LAD1: variants seen among roughly 807,000 people sequenced by gnomAD.
LAD1 encodes ladinin 1.
LAD1 carries 53 observed loss-of-function variants against 54.2 expected under a neutral mutation model. The observed-to-expected ratio is 0.98, with a 90% confidence interval of 0.78 to 1.23. LAD1 has a LOEUF of 1.23. Ranked by LOEUF, LAD1 falls within the 50% of genes most tolerant of loss-of-function variation. The pLI, the probability that LAD1 is intolerant of heterozygous loss-of-function variation, is 0.00. For synonymous variants in LAD1, 231 were observed against 257.7 expected, an observed-to-expected ratio of 0.90 and a Z score of 0.99; for missense variants, 637 against 653.3, an observed-to-expected ratio of 0.98 and a Z score of 0.27.
chr1:201,388,681 CAA>C (rs35111170), intron 2 of LAD1, among the ~76,000 whole-genome samples: 13 of 107,712 alleles, frequency 1.2e-4, no homozygotes, highest in Admixed American at 1.0e-4. Context: ...GACTTCGTCT[CAA>C]AAAAAAAAAA....
At chr1:201,383,579 C>T in intron 5 of LAD1, 190 bp from the exon 6 acceptor site, 1 of 634,956 alleles carries the variant, frequency 1.6e-6, no homozygotes, top group Non-Finnish European at 2.9e-6. Context: ...GATTTCCCTC[C>T]ACTTCCAAGA....
intron 1 of LAD1, chr1:201,391,306 C>G: frequency 2.7e-6 from 1 of 371,958 alleles, no homozygotes; most frequent in Non-Finnish European, 5.3e-6. Flanking sequence ...AGCAGGCATT[C>G]TACAGCCAGC....
chr1:201,381,662 T>C lies in LAD1; in HGVS notation c.*226A>G. On this transcript the variant is annotated 3_prime_UTR_variant, in exon 10 of 10. Coordinates refer to ENST00000391967, the MANE Select transcript of LAD1 (RefSeq NM_005558.4). ...AGAGACTGGGTCCCAGCATCTGTTG[T>C]GCCTGCCGCAGGGTGAGAAAGTCCC... is the stretch of plus-strand genomic sequence containing the variant. 3 of 624,306 alleles carry C rather than the reference T, an allele frequency of 4.8e-6. No individual in the cohort carries two copies. Among genetic ancestry groups the C allele is most frequent in the South Asian group, 3.8e-5 (2 of 53,150 alleles). The allele number at this position is 624,306 out of a possible 1,614,324, so 38.7% of individuals were successfully genotyped here. A position where few individuals can be genotyped will look rare whatever the true frequency, so the allele number is the denominator to read the frequency against.
At chr1:201,385,300 G>A (rs573552119) in intron 4 of LAD1, among the ~76,000 whole-genome samples, 1 of 152,348 alleles carries the variant, frequency 6.6e-6, no homozygotes, top group South Asian at 2.1e-4. Context: ...TGTACTATTG[G>A]GAGAGTGGCA....
intron 1 of LAD1, among the ~76,000 whole-genome samples, chr1:201,393,482 A>G (rs1275357123): frequency 1.3e-5 from 2 of 152,360 alleles, no homozygotes; most frequent in Non-Finnish European, 2.9e-5. Flanking sequence ...ACAGTGGCTC[A>G]TGCCTGTAAT....
In LAD1 at chr1:201,387,015, C is replaced by T. The variant is rs774353289; in HGVS notation, c.346G>A (p.Glu116Lys). 3 of 1,610,746 alleles carry T rather than the reference C, an allele frequency of 1.9e-6. No individual in the cohort carries two copies. Among genetic ancestry groups the T allele is most frequent in the Non-Finnish European group, 2.5e-6 (3 of 1,178,588 alleles). Residue 116 changes from glutamate (E) to lysine (K), a missense_variant, in exon 3 of 10, where the codon GAG becomes AAG. By Grantham distance (56) the Glu-to-Lys change is moderately conservative (BLOSUM62 1). Coordinates refer to ENST00000391967, the MANE Select transcript of LAD1 (RefSeq NM_005558.4). ...QAPIQERLEA[E>K]EGRNSLSPVQ... is the part of the protein sequence containing the mutation. ...GGGCTCAAGCTGTTCCTCCCCTCCT[C>T]TGCCTCCAGCCTCTCCTGGATGGGG...
chr1:201,387,294 C>G, intron 2 of LAD1, 116 bp from the exon 3 acceptor site: 1 of 1,145,576 alleles, frequency 8.7e-7, no homozygotes, highest in Non-Finnish European at 1.2e-6. Flanking sequence ...GATGTCAGGC[C>G]CTGGCCTCCC....
chr1:201,383,486 C>T, intron 5 of LAD1, 97 bp from the exon 6 acceptor site: 2 of 1,143,918 alleles, frequency 1.7e-6, no homozygotes, highest in Non-Finnish European at 2.7e-6. Flanking sequence ...CACACGTTCT[C>T]ATTGTGGCCA....
chr1:201,397,877 C>G (rs1305983340), intron 1 of LAD1, among the ~76,000 whole-genome samples: 1 of 152,156 alleles, frequency 6.6e-6, no homozygotes, highest in Admixed American at 6.5e-5. Flanking sequence ...GAAGCAAAGA[C>G]ACTCCCACAT....
chr1:201,386,669 G>A lies in LAD1; in HGVS notation c.692C>T (p.Ser231Phe). The change falls in exon 3 of 10, where the codon TCT (serine) becomes TTT (phenylalanine). Residue 231 changes from serine (S) to phenylalanine (F), a missense_variant. Coordinates refer to ENST00000391967, the MANE Select transcript of LAD1 (RefSeq NM_005558.4). Reference sequence around the variant, plus strand: ...AGAGACACTGGTTTTTTCTAGAACAGACTTCTTCTCTGAGCTGTTTCTTTT... The same window carrying A: ...AGAGACACTGGTTTTTTCTAGAACAAACTTCTTCTCTGAGCTGTTTCTTTT... The part of the protein sequence containing the change: ...SEKRNSSEKK[S>F]VLEKTSVSEK... 6.2e-7 allele frequency: 1 copy of A among 1,614,176 alleles called. No homozygotes were observed. The highest frequency in any genetic ancestry group is 8.5e-7 in the Non-Finnish European group (1 of 1,180,012).
intron 5 of LAD1, 52 bp from the exon 6 acceptor site, chr1:201,383,441 C>A: frequency 2.6e-6 from 4 of 1,553,260 alleles, no homozygotes; most frequent in Non-Finnish European, 3.6e-6. Flanking sequence ...CCAGGGAGAC[C>A]AGGCCTGCCC....
chr1:201,384,615 C>T (rs772737115), intron 5 of LAD1, 177 bp downstream of exon 5: 22 of 659,202 alleles, frequency 3.3e-5, no homozygotes, highest in Non-Finnish European at 4.6e-5. Context: ...TCTTATCCCG[C>T]CTGAGTTCAT....
At chr1:201,395,808 G>C (rs531569465) in intron 1 of LAD1, among the ~76,000 whole-genome samples, 1 of 152,086 alleles carries the variant, frequency 6.6e-6, no homozygotes, top group African/African-American at 2.4e-5. Flanking sequence ...ACCTTCCCAC[G>C]ATCGCACAGC....
intron 1 of LAD1, among the ~76,000 whole-genome samples, chr1:201,394,478 T>G (rs1461675440): frequency 1.3e-5 from 2 of 152,128 alleles, no homozygotes; most frequent in African/African-American, 4.8e-5. Flanking sequence ...GGCGCCCAAA[T>G]CAAACTATCC....
intron 4 of LAD1, 128 bp from the exon 5 acceptor site, chr1:201,384,963 G>T: frequency 1.2e-6 from 1 of 815,692 alleles, no homozygotes; most frequent in Non-Finnish European, 2.0e-6. Context: ...TCTACCAGGG[G>T]TCAACCCCAC....
At position 201,381,860 on chromosome 1, in the gene LAD1, A is replaced by T; in HGVS notation, c.*28T>A. 5 of 1,613,562 alleles carry T rather than the reference A, an allele frequency of 3.1e-6. No individual in the cohort carries two copies. Among genetic ancestry groups the T allele is most frequent in the Non-Finnish European group, 4.2e-6 (5 of 1,179,520 alleles). On this transcript the variant is annotated 3_prime_UTR_variant, in exon 10 of 10. Coordinates refer to ENST00000391967, the MANE Select transcript of LAD1 (RefSeq NM_005558.4). ...ATGAGGGAGGTCCCTTGAGACGAAG[A>T]CTTGCAGGTCTGTCTTGGCGGGGCT...
At chr1:201,382,011 G>T (rs1329049199) in intron 9 of LAD1, 118 bp from the exon 10 acceptor site, 15 of 1,130,830 alleles carry the variant, frequency 1.3e-5, no homozygotes, top group Non-Finnish European at 1.9e-5. Flanking sequence ...AGGAGTCAGA[G>T]CCCTGTAATC....
exon 1 of LAD1, chr1:201,399,315 AGCCCCGCGTGGCCGCCCGC>A (rs748182176): frequency 8.3e-5 from 128 of 1,536,044 alleles, 2 homozygotes; most frequent in Middle Eastern, 6.2e-4. Context: ...ATGCTGCAGG[AGCCCCGCGTGGCCGCCCGC>A]GCCCCGCCGG....
intron 5 of LAD1, 62 bp from the exon 6 acceptor site, chr1:201,383,451 C>T: frequency 6.7e-7 from 1 of 1,493,030 alleles, no homozygotes; most frequent in Non-Finnish European, 9.3e-7. Context: ...CAGGCCTGCC[C>T]CCAGGGCCTG....
Sources: allele counts gnomAD v4.1 joint callset (sites outside exome capture counted in the v4.1 genomes callset), GRCh38; gene constraint gnomAD v4.1.1; transcripts MANE v1.5; gene names NCBI Gene and HGNC (gene_info 2026-07-23, HGNC 2026-07-21).